The following GPR33 variants were observed in gnomAD, a reference collection of about 807,000 sequenced individuals.
The protein encoded by GPR33 is probable G protein-coupled receptor 33.
In GPR33, 4 loss-of-function variants were observed where a neutral mutation model predicts 3.1. That is an observed-to-expected ratio of 1.29 (90% CI 0.64 to 2.96). The LOEUF is 2.96. Ranked by LOEUF, GPR33 falls within the 30% of genes most tolerant of loss-of-function variation. The pLI is 0.01. For missense variants in GPR33, 390 were observed against 388.9 expected, an observed-to-expected ratio of 1.00 and a Z score of -0.02; for synonymous variants, 138 against 142.0, an observed-to-expected ratio of 0.97 and a Z score of 0.20.
At chr14:31,487,038 C>T (rs537694925) in intron 1 of GPR33, among the ~76,000 whole-genome samples, 6 of 151,538 alleles carry the variant, frequency 4.0e-5, no homozygotes, top group East Asian at 1.9e-4. Context: ...GTGTTGTATG[C>T]GTGTGGTCTC....
chr14:31,484,645 T>C (rs2032398553), intron 1 of GPR33, among the ~76,000 whole-genome samples: 1 of 152,152 alleles, frequency 6.6e-6, no homozygotes, highest in Non-Finnish European at 1.5e-5. Context: ...CAAAACTTCT[T>C]GAATAAGGCA....
intron 1 of GPR33, among the ~76,000 whole-genome samples, chr14:31,486,377 G>A (rs1384948440): frequency 6.6e-6 from 1 of 152,194 alleles, no homozygotes; most frequent in Non-Finnish European, 1.5e-5. Flanking sequence ...AGGATTAGAG[G>A]CATGAGCTGC....
rs1232255375 is a variant in GPR33 at position 31,487,450 on chromosome 14, T to G, written c.-7+447A>C. ...CCCCTCAGTTTTTTTTTTTTTTTTTTTTTTTTTCAGATGGAGTCTTGCTCT... is the reference window on the plus strand; with the variant it reads ...CCCCTCAGTTTTTTTTTTTTTTTTTGTTTTTTTCAGATGGAGTCTTGCTCT... On this transcript the variant is annotated intron_variant, in intron 1 of 1. Transcript: ENST00000399285. Among the ~76,000 whole-genome samples, 13 of 140,520 alleles carry G rather than the reference T, an allele frequency of 9.3e-5. No individual in the cohort carries two copies. The East Asian group carries it at 2.6e-3, about 28-fold the overall frequency. 92.2% of individuals were successfully genotyped at this position (140,520 alleles called of 152,430 possible).
chr14:31,482,960 G>A lies in GPR33; in HGVS notation c.*4C>T. ...ATCTAGAATTTAAATTTAGGCTTCT[G>A]AGTTTAGGTTTGTGTCCTTTCTACA... On this transcript the variant is annotated 3_prime_UTR_variant, in exon 2 of 2. Coordinates refer to ENST00000399285, the MANE Select transcript of GPR33 (RefSeq NM_001197184.3). 6.7e-7 allele frequency: 1 copy of A among 1,493,062 alleles called. No homozygotes were observed. Among genetic ancestry groups the A allele is most frequent in the South Asian group, 1.3e-5 (1 of 76,154 alleles). The allele number at this position is 1,493,062 out of a possible 1,614,324, so 92.5% of individuals were successfully genotyped here. A position where few individuals can be genotyped will look rare whatever the true frequency, so the allele number is the denominator to read the frequency against.
Position 31,483,529 on chromosome 14 carries a change from G to A in GPR33, c.437C>T (p.Ser146Phe). 1 of 1,536,168 alleles carries A rather than the reference G, an allele frequency of 6.5e-7. No homozygotes were observed. Among genetic ancestry groups the A allele is most frequent in the African/African-American group, 1.4e-5 (1 of 73,176 alleles). Residue 146 changes from serine (S) to phenylalanine (F), a missense_variant, in exon 2 of 2, where the codon TCC becomes TTC. Physicochemically the swap from Ser to Phe is radical, Grantham distance 155. Transcript: ENST00000399285. Reference sequence around the variant, plus strand: ...AATCCAGACTCCCAGGACAATGCTGGAAGCCCAGCGCGGGGTTCGGTGCTG... The same window carrying A: ...AATCCAGACTCCCAGGACAATGCTGAAAGCCCAGCGCGGGGTTCGGTGCTG... ...SQQHRTPRWA[S>F]SIVLGVWISA...
rs963958123 is a variant in GPR33 at position 31,483,103 on chromosome 14, G to A, written c.863C>T (p.Thr288Ile). 17 of 1,536,080 alleles carry A rather than the reference G, an allele frequency of 1.1e-5. No individual in the cohort carries two copies. The highest frequency in any genetic ancestry group is 1.5e-5 in the Non-Finnish European group (17 of 1,146,872). Residue 288 changes from threonine to isoleucine, a missense_variant, in exon 2 of 2, where the codon ACT (threonine) becomes ATT (isoleucine). By Grantham distance (89) the Thr-to-Ile change is moderately conservative (BLOSUM62 -1). Transcript: ENST00000399285. ...GGGAGAAAAGATAGTATTGAAAGAA[G>A]TGGTTAGCACTGTAAGTATCAAAGT... is the stretch of plus-strand genomic sequence containing the variant. ...ELTLILTVLT[T>I]SFNTIFSPTL...
chr14:31,483,791 T>G lies in GPR33; in HGVS notation c.175A>C (p.Lys59Gln), dbSNP rs1437732230. 5.2e-6 allele frequency: 8 copies of G among 1,536,042 alleles called. No individual in the cohort carries two copies. The African/African-American group carries it at 9.6e-5, about 18-fold the overall frequency. Reference protein sequence around the residue: ...LYLWVLRFKMKQTVNTLLFFH... With the variant: ...LYLWVLRFKMQQTVNTLLFFH... ...AATAAGAGAGTATTGACAGTCTGTT[T>G]CATCTTGAATCTTAGCACCCATAGA... The change falls in exon 2 of 2, where the codon AAA (lysine) becomes CAA (glutamine). Residue 59 changes from lysine (K) to glutamine (Q), a missense_variant. Physicochemically the swap from Lys to Gln is moderately conservative, Grantham distance 53 (BLOSUM62 1). Transcript: ENST00000399285.
chr14:31,483,198 C>T lies in GPR33; in HGVS notation c.768G>A (p.Val256=). The change falls in exon 2 of 2, where the codon GTG becomes GTA. Residue 256 remains valine, a synonymous_variant. Coordinates refer to ENST00000399285, the MANE Select transcript of GPR33 (RefSeq NM_001197184.3). ...GGTGTATATGGTAGGGCATCCAACACACAAAGAAAGAGATAATGGCAGTCA... is the reference window on the plus strand; with the variant it reads ...GGTGTATATGGTAGGGCATCCAACATACAAAGAAAGAGATAATGGCAGTCA... ...VMMTAIISFF[V]CWMPYHIHQG... 6.5e-7 allele frequency: 1 copy of T among 1,536,128 alleles called. No individual in the cohort carries two copies. Among genetic ancestry groups the T allele is most frequent in the Non-Finnish European group, 8.7e-7 (1 of 1,146,906 alleles).
chr14:31,486,971 C>T (rs570185614), intron 1 of GPR33, among the ~76,000 whole-genome samples: 33 of 151,744 alleles, frequency 2.2e-4, no homozygotes, highest in African/African-American at 8.0e-4. Context: ...ATGTATGTGT[C>T]TGTGGTCTTT....
At position 31,483,806 on chromosome 14, in the gene GPR33, G is replaced by A. The variant is rs1267237514; in HGVS notation, c.160C>T (p.Leu54=). The A allele has an allele frequency of 6.5e-7, 1 of 1,535,936 alleles. No homozygotes were observed. Among genetic ancestry groups the A allele is most frequent in the Non-Finnish European group, 8.7e-7 (1 of 1,146,874 alleles). ...ACAGTCTGTTTCATCTTGAATCTTA[G>A]CACCCATAGATAGAGGCCATTGGTG... ...TITNGLYLWV[L]RFKMKQTVNT... Residue 54 remains leucine, a synonymous_variant, in exon 2 of 2, where the codon CTA becomes TTA. Transcript: ENST00000399285.
intron 1 of GPR33, among the ~76,000 whole-genome samples, chr14:31,484,238 A>G (rs2032394232): frequency 6.6e-6 from 1 of 152,334 alleles, no homozygotes; most frequent in South Asian, 2.1e-4. Flanking sequence ...AAAGAAGTAA[A>G]TGTTGGGACA....
rs1193189259 is a variant in GPR33, at chr14:31,483,181, T to C, written c.785A>G (p.His262Arg). 5 of 1,536,092 alleles carry C rather than the reference T, an allele frequency of 3.3e-6. No homozygotes were observed. Among genetic ancestry groups the C allele is most frequent in the South Asian group, 1.2e-5 (1 of 84,050 alleles). ...AGTGAGAAGTAAGCCCTGGTGTATA[T>C]GGTAGGGCATCCAACACACAAAGAA... ...ISFFVCWMPY[H>R]IHQGLLLTTN... Residue 262 changes from histidine (H) to arginine (R), a missense_variant, in exon 2 of 2, where the codon CAT becomes CGT. Transcript: ENST00000399285.
At chr14:31,486,406 C>T (rs935890761) in intron 1 of GPR33, among the ~76,000 whole-genome samples, 1 of 152,160 alleles carries the variant, frequency 6.6e-6, no homozygotes, top group Non-Finnish European at 1.5e-5. Flanking sequence ...GCCATAATTG[C>T]TATTCAAAAA....
Position 31,483,734 on chromosome 14 carries a change from T to A in GPR33, c.232A>T (p.Thr78Ser). The A allele has an allele frequency of 6.5e-7, 1 of 1,536,164 alleles. No homozygotes were observed. Among genetic ancestry groups the A allele is most frequent in the Non-Finnish European group, 8.7e-7 (1 of 1,146,922 alleles). Reference sequence around the variant, plus strand: ...GTGGCCATAAATGGCAGAATCATTGTTGAAATAAAATAAGAGAGAATGAGA... The same window carrying A: ...GTGGCCATAAATGGCAGAATCATTGATGAAATAAAATAAGAGAGAATGAGA... The part of the protein sequence containing the change: ...FHLILSYFIS[T>S]MILPFMATSQ... Residue 78 changes from threonine (T) to serine (S), a missense_variant, in exon 2 of 2, where the codon ACA becomes TCA. Transcript: ENST00000399285.
At chr14:31,486,203 A>G (rs867441543) in intron 1 of GPR33, among the ~76,000 whole-genome samples, 5 of 152,100 alleles carry the variant, frequency 3.3e-5, no homozygotes, top group Non-Finnish European at 7.4e-5. Context: ...GGCTTCATCA[A>G]TCCTCCCGCC....
In GPR33 at chr14:31,483,823, C is replaced by T. The variant is rs1263240979; in HGVS notation, c.143G>A (p.Gly48Asp). ...GAATCTTAGCACCCATAGATAGAGG[C>T]CATTGGTGATGGTACCAATTATAGA... Reference protein sequence around the residue: ...ISSIIGTITNGLYLWVLRFKM... With the variant: ...ISSIIGTITNDLYLWVLRFKM... The change falls in exon 2 of 2, where the codon GGC (glycine) becomes GAC (aspartate). Residue 48 changes from glycine (G) to aspartate (D), a missense_variant. Gly to Asp is a moderately conservative substitution (Grantham distance 94, BLOSUM62 -1). Transcript: ENST00000399285. 6.5e-7 allele frequency: 1 copy of T among 1,535,886 alleles called. No homozygotes were observed. Among genetic ancestry groups the T allele is most frequent in the Non-Finnish European group, 8.7e-7 (1 of 1,146,870 alleles).
At chr14:31,484,909 A>G (rs2032401252) in intron 1 of GPR33, among the ~76,000 whole-genome samples, 2 of 152,024 alleles carry the variant, frequency 1.3e-5, no homozygotes, top group South Asian at 4.1e-4. Flanking sequence ...ATCATCAACA[A>G]AAGAGGGAAG....
chr14:31,487,013 A>AGTGTTT (rs2032425799), intron 1 of GPR33, among the ~76,000 whole-genome samples: 1 of 151,398 alleles, frequency 6.6e-6, no homozygotes, highest in African/African-American at 2.4e-5. Flanking sequence ...GTGTATGTGT[A>AGTGTTT]GTGTTTGTGT....
intron 1 of GPR33, among the ~76,000 whole-genome samples, chr14:31,484,441 G>A (rs994864591): frequency 2.0e-5 from 3 of 151,990 alleles, no homozygotes; most frequent in South Asian, 2.1e-4. Context: ...CTACCAGGCC[G>A]GATAATTTTT....
Sources: gnomAD v4.1 joint callset for allele counts (sites outside exome capture counted in the v4.1 genomes callset) on GRCh38, gnomAD v4.1.1 for gene constraint, MANE v1.5 for transcripts, NCBI Gene and HGNC (gene_info 2026-07-23, HGNC 2026-07-21) for gene names.